PIP4K2A: variants seen among roughly 807,000 people sequenced by gnomAD.
PIP4K2A encodes the protein phosphatidylinositol 5-phosphate 4-kinase type-2 alpha.
PIP4K2A carries 14 observed loss-of-function variants against 42.9 expected under a neutral mutation model. The observed-to-expected ratio is 0.33, with a 90% confidence interval of 0.22 to 0.51. PIP4K2A has a LOEUF of 0.51. Among genes scored for constraint, PIP4K2A ranks in the 20% least tolerant of loss-of-function variants. The pLI is 0.97. For synonymous variants in PIP4K2A, 192 were observed against 192.2 expected, an observed-to-expected ratio of 1.00 and a Z score of 0.01; for missense variants, 434 against 519.8, an observed-to-expected ratio of 0.83 and a Z score of 1.61.
At chr10:22,589,871 A>T (rs1386702107) in intron 4 of PIP4K2A, among the ~76,000 whole-genome samples, 3 of 152,130 alleles carry the variant, frequency 2.0e-5, no homozygotes, top group African/African-American at 7.2e-5. Context: ...GGGGATTGGG[A>T]GCTATTTAAG....
At chr10:22,699,080 T>C (rs577545977) in intron 1 of PIP4K2A, among the ~76,000 whole-genome samples, 8 of 152,302 alleles carry the variant, frequency 5.3e-5, no homozygotes, top group South Asian at 4.1e-4. Flanking sequence ...TAGCTTCTCC[T>C]AACCTATTTT....
chr10:22,582,127 T>C (rs761965740), intron 4 of PIP4K2A, among the ~76,000 whole-genome samples: 62 of 151,998 alleles, frequency 4.1e-4, no homozygotes, highest in Admixed American at 1.8e-3. Flanking sequence ...AAAAGTCTAC[T>C]TATAAATGAT....
intron 1 of PIP4K2A, among the ~76,000 whole-genome samples, chr10:22,641,565 C>A (rs944913002): frequency 2.0e-5 from 3 of 151,804 alleles, no homozygotes; most frequent in African/African-American, 7.3e-5. Context: ...CCTCAATGTC[C>A]CAAGTAGCTG....
chr10:22,645,701 T>C (rs79553898), intron 1 of PIP4K2A, among the ~76,000 whole-genome samples: 55 of 151,506 alleles, frequency 3.6e-4, no homozygotes, highest in Non-Finnish European at 6.3e-4. Flanking sequence ...TTTTTTTTTT[T>C]CTGAGACAGG....
chr10:22,709,585 G>C (rs1413209294), intron 1 of PIP4K2A, among the ~76,000 whole-genome samples: 1 of 152,158 alleles, frequency 6.6e-6, no homozygotes. Flanking sequence ...CCTATCTAAA[G>C]ACACAGCAGA....
At chr10:22,624,595 T>G (rs1221404799) in intron 1 of PIP4K2A, among the ~76,000 whole-genome samples, 1 of 152,212 alleles carries the variant, frequency 6.6e-6, no homozygotes, top group South Asian at 2.1e-4. Flanking sequence ...AGATGAGTCA[T>G]GCACTTTTCC....
chr10:22,570,852 C>A (rs1836967729), intron 5 of PIP4K2A, among the ~76,000 whole-genome samples: 1 of 149,268 alleles, frequency 6.7e-6, no homozygotes. Context: ...AAAAAAAAAA[C>A]AATGAAAAAA....
At chr10:22,669,834 T>C (rs11013088) in intron 1 of PIP4K2A, among the ~76,000 whole-genome samples, 1 of 152,346 alleles carries the variant, frequency 6.6e-6, no homozygotes, top group East Asian at 1.9e-4. Flanking sequence ...CATATTTGTT[T>C]ATTTGCAGAA....
chr10:22,581,689 A>G (rs1355077829), intron 4 of PIP4K2A, among the ~76,000 whole-genome samples: 1 of 152,078 alleles, frequency 6.6e-6, no homozygotes, highest in African/African-American at 2.4e-5. Flanking sequence ...TTACCACATA[A>G]TAGCTTCCGT....
chr10:22,546,737 AG>A (rs1836265818), intron 7 of PIP4K2A, among the ~76,000 whole-genome samples: 1 of 152,118 alleles, frequency 6.6e-6, no homozygotes, highest in African/African-American at 2.4e-5. Context: ...ATCTGTTCTG[AG>A]GTAGAGTGAA....
intron 1 of PIP4K2A, among the ~76,000 whole-genome samples, chr10:22,634,892 C>G (rs982455236): frequency 1.6e-4 from 25 of 152,050 alleles, no homozygotes; most frequent in African/African-American, 6.0e-4. Flanking sequence ...GGCTTGTGTC[C>G]CCAAAGAAAA....
chr10:22,654,888 C>T lies in PIP4K2A; in HGVS notation c.145-45171G>A, dbSNP rs145253969. ...AATTAAAGCAAATCAAAGAAGGCTA[C>T]GGCAAAAGTGGGCCTGGGGCTTTAC... is the stretch of plus-strand genomic sequence containing the variant. On this transcript the variant is annotated intron_variant, in intron 1 of 9. Transcript: ENST00000376573. 1.1e-3 allele frequency among the ~76,000 whole-genome samples: 164 copies of T among 152,192 alleles called. 1 individual carries two copies. Among genetic ancestry groups the T allele is most frequent in the African/African-American group, 3.6e-3 (149 of 41,516 alleles).
chr10:22,559,814 A>G (rs1437400018), intron 6 of PIP4K2A, among the ~76,000 whole-genome samples: 1 of 152,180 alleles, frequency 6.6e-6, no homozygotes, highest in African/African-American at 2.4e-5. Flanking sequence ...ATTCTCACCA[A>G]CACTACAGCA....
chr10:22,563,782 C>T (rs1231672652), intron 6 of PIP4K2A, among the ~76,000 whole-genome samples: 2 of 152,180 alleles, frequency 1.3e-5, no homozygotes, highest in African/African-American at 4.8e-5. Flanking sequence ...CAACTTCATC[C>T]ACTCAAAGTA....
In PIP4K2A at chr10:22,632,042, A is replaced by G. The variant is rs181776425; in HGVS notation, c.145-22325T>C. On this transcript the variant is annotated intron_variant, in intron 1 of 9. Transcript: ENST00000376573. ...AAACTGCATAATGAATGTAATCATT[A>G]GGAAGCAAGCTCTCGGTGAGAGCCA... Among the ~76,000 whole-genome samples the G allele has an allele frequency of 1.3e-3, 194 of 152,308 alleles. 1 individual carries two copies. The highest frequency in any genetic ancestry group is 4.5e-3 in the African/African-American group (187 of 41,560).
At chr10:22,609,901 A>C (rs924715278) in intron 1 of PIP4K2A, among the ~76,000 whole-genome samples, 184 bp from the exon 2 acceptor site, 2 of 151,160 alleles carry the variant, frequency 1.3e-5, no homozygotes, top group Admixed American at 1.3e-4. Context: ...CCCACTTCTT[A>C]TGTCTGTCTG....
At chr10:22,695,350 C>T (rs1482646962) in intron 1 of PIP4K2A, among the ~76,000 whole-genome samples, 2 of 152,132 alleles carry the variant, frequency 1.3e-5, no homozygotes, top group Non-Finnish European at 2.9e-5. Flanking sequence ...CGATTTTTTT[C>T]ACTGCTAAGA....
intron 1 of PIP4K2A, among the ~76,000 whole-genome samples, chr10:22,642,628 ACT>A (rs1474782805): frequency 2.1e-5 from 1 of 47,904 alleles, no homozygotes; most frequent in Non-Finnish European, 4.6e-5. Context: ...ATACACACAC[ACT>A]GATCTGTTTA....
intron 9 of PIP4K2A, among the ~76,000 whole-genome samples, chr10:22,538,458 TTGTATCTC>T (rs1835996323): frequency 6.6e-6 from 1 of 152,180 alleles, no homozygotes; most frequent in African/African-American, 2.4e-5. Flanking sequence ...CAGACAACTC[TTGTATCTC>T]TGGCAAAACC....
Sources: gnomAD v4.1 joint callset for allele counts (sites outside exome capture counted in the v4.1 genomes callset) on GRCh38, gnomAD v4.1.1 for gene constraint, MANE v1.5 for transcripts, NCBI Gene and HGNC (gene_info 2026-07-23, HGNC 2026-07-21) for gene names.